Variants in SLC25A20 observed in about 807,000 individuals in gnomAD.
SLC25A20 encodes solute carrier family 25 member 20.
A neutral mutation model predicts 39.7 loss-of-function variants in SLC25A20; 29 were observed. That is an observed-to-expected ratio of 0.73 (90% confidence interval 0.54 to 1.00). The LOEUF (loss-of-function observed/expected upper bound fraction) is 1.00. SLC25A20 is among the 50% of genes least tolerant of loss of function. The pLI is 0.00. For synonymous variants in SLC25A20, 103 were observed against 142.2 expected (o/e 0.72, Z 1.96); for missense variants, 333 against 379.9 (o/e 0.88, Z 1.03).
chr3:48,898,273 C>T (rs1309399233), intron 1 of SLC25A20, among the ~76,000 whole-genome samples: 1 of 152,204 alleles, frequency 6.6e-6, no homozygotes, highest in African/African-American at 2.4e-5. Flanking sequence ...CAAAGGACAC[C>T]TCCAGAACAA....
chr3:48,857,800 A>C (rs1270351763), intron 8 of SLC25A20, 28 bp from the exon 9 acceptor site: 1 of 1,604,496 alleles, frequency 6.2e-7, no homozygotes. Flanking sequence ...GGAAGAAAAA[A>C]GCCAGCAGGA....
At chr3:48,872,665 A>G (rs2106646427) in intron 4 of SLC25A20, among the ~76,000 whole-genome samples, 1 of 150,662 alleles carries the variant, frequency 6.6e-6, no homozygotes, top group East Asian at 2.0e-4. Flanking sequence ...AGCCTGAGCA[A>G]CATGGCAAGA....
At chr3:48,862,811 G>A (rs2083637418) in intron 4 of SLC25A20, 152 bp from the exon 5 acceptor site, 3 of 685,700 alleles carry the variant, frequency 4.4e-6, no homozygotes, top group Admixed American at 4.1e-5. Flanking sequence ...GTGTGATCTT[G>A]GGGCAGGTAC....
At chr3:48,859,039 G>C in intron 7 of SLC25A20, 53 bp downstream of exon 7, 1 of 1,432,644 alleles carries the variant, frequency 7.0e-7, no homozygotes, top group Non-Finnish European at 9.8e-7. Flanking sequence ...CCCAGGATTA[G>C]CCAGTGCTGG....
chr3:48,883,004 G>A lies in SLC25A20; in HGVS notation c.326+993C>T, dbSNP rs532448721. On this transcript the variant is annotated intron_variant, in intron 3 of 8. Transcript: ENST00000319017. ...AGATCGAGACCATCCTGGCTAACAC[G>A]GCGAAACCCCGTCTCTACTAAAAAT... Among the ~76,000 whole-genome samples the A allele has an allele frequency of 5.7e-4, 83 of 145,762 alleles. 1 individual carries two copies. Among genetic ancestry groups the A allele is most frequent in the African/African-American group, 2.0e-3 (79 of 39,066 alleles).
chr3:48,860,513 G>A lies in SLC25A20; in HGVS notation c.536-886C>T, dbSNP rs568658413. Among the ~76,000 whole-genome samples the A allele has an allele frequency of 4.8e-3, 733 of 151,760 alleles. 6 individuals are homozygous for A. Among genetic ancestry groups the A allele is most frequent in the African/African-American group, 0.017 (700 of 41,352 alleles). ...CCAGCTACTCAGGAGACTGAGGCAG[G>A]AGAATCGCTTGAATCCAGGAGGTGG... On this transcript the variant is annotated intron_variant, in intron 5 of 8. Transcript: ENST00000319017.
At chr3:48,875,476 C>T (rs984974327) in intron 4 of SLC25A20, among the ~76,000 whole-genome samples, 2 of 152,168 alleles carry the variant, frequency 1.3e-5, no homozygotes, top group African/African-American at 4.8e-5. Context: ...GTGGCACGAT[C>T]TTGGCTCACT....
intron 4 of SLC25A20, among the ~76,000 whole-genome samples, chr3:48,869,563 G>A (rs1369741202): frequency 6.6e-6 from 1 of 152,102 alleles, no homozygotes; most frequent in Non-Finnish European, 1.5e-5. Context: ...AGTGGCTCAT[G>A]GCTATAATCC....
intron 4 of SLC25A20, among the ~76,000 whole-genome samples, chr3:48,872,056 T>C (rs1004913700): frequency 7.1e-6 from 1 of 140,200 alleles, no homozygotes; most frequent in Non-Finnish European, 1.5e-5. Flanking sequence ...CTCAGCCTCA[T>C]GGGCTCAAGC....
chr3:48,896,536 A>C lies in SLC25A20; in HGVS notation c.105+2154T>G, dbSNP rs1353923414. 3.3e-5 allele frequency among the ~76,000 whole-genome samples: 5 copies of C among 151,336 alleles called. No homozygotes were observed. The East Asian group carries it at 9.7e-4, about 29-fold the overall frequency. On this transcript the variant is annotated intron_variant, in intron 1 of 8. Coordinates refer to ENST00000319017, the MANE Select transcript of SLC25A20 (RefSeq NM_000387.6). ...TTGTTTTGTTTTGTTTTTGGGAAGG[A>C]GTCTCACTCTGTCACCCAGGCTGGA...
intron 4 of SLC25A20, among the ~76,000 whole-genome samples, chr3:48,865,060 C>T (rs1245681634): frequency 6.6e-6 from 1 of 152,044 alleles, no homozygotes; most frequent in Admixed American, 6.6e-5. Context: ...GACTTTGAGG[C>T]ACCTATTAGC....
At chr3:48,898,216 G>A (rs1178854964) in intron 1 of SLC25A20, among the ~76,000 whole-genome samples, 1 of 152,188 alleles carries the variant, frequency 6.6e-6, no homozygotes, top group Non-Finnish European at 1.5e-5. Context: ...TCCCCGGGCC[G>A]GGAAAGGTGC....
intron 6 of SLC25A20, 37 bp downstream of exon 6, chr3:48,859,518 A>T: frequency 6.4e-7 from 1 of 1,555,772 alleles, no homozygotes; most frequent in South Asian, 1.1e-5. Flanking sequence ...CGCACCCATG[A>T]CTGGGGAAAG....
chr3:48,871,582 A>C (rs764658125), intron 4 of SLC25A20, among the ~76,000 whole-genome samples: 8 of 151,948 alleles, frequency 5.3e-5, no homozygotes, highest in Admixed American at 4.6e-4. Context: ...AGCCTGACCA[A>C]TGTGGAGAAA....
chr3:48,892,704 A>C (rs1355169572), intron 1 of SLC25A20, among the ~76,000 whole-genome samples: 2 of 152,130 alleles, frequency 1.3e-5, no homozygotes, highest in Admixed American at 6.6e-5. Flanking sequence ...GATGAGGTCC[A>C]CTCACATTAG....
chr3:48,882,905 G>T (rs2083804371), intron 3 of SLC25A20, among the ~76,000 whole-genome samples: 1 of 151,010 alleles, frequency 6.6e-6, no homozygotes, highest in Non-Finnish European at 1.5e-5. Context: ...TCAAGTACTT[G>T]GGCTGGGCAC....
intron 2 of SLC25A20, 139 bp downstream of exon 2, chr3:48,891,841 G>C: frequency 2.6e-6 from 2 of 768,538 alleles, no homozygotes; most frequent in Admixed American, 3.5e-5. Context: ...GGGGGGCACA[G>C]GGTGGCGTGG....
intron 4 of SLC25A20, among the ~76,000 whole-genome samples, chr3:48,876,031 A>C (rs2083754105): frequency 6.6e-6 from 1 of 151,910 alleles, no homozygotes; most frequent in African/African-American, 2.4e-5. Flanking sequence ...AAATAAAGAA[A>C]TAAATAAAAA....
Position 48,898,866 on chromosome 3 carries a change from G to C in SLC25A20, c.-72C>G. On this transcript the variant is annotated 5_prime_UTR_variant, in exon 1 of 9. Transcript: ENST00000319017. ...GCTTCTCAGCCCCAGCTGCAGTGCC[G>C]GCGCCGCCGACCTTTCACCCACTTT... The C allele has an allele frequency of 6.9e-7, 1 of 1,450,350 alleles. No individual in the cohort carries two copies. The highest frequency in any genetic ancestry group is 9.5e-7 in the Non-Finnish European group (1 of 1,056,094). The allele number at this position is 1,450,350 out of a possible 1,614,324, so 89.8% of individuals were successfully genotyped here.
Sources: allele counts gnomAD v4.1 joint callset (sites outside exome capture counted in the v4.1 genomes callset), GRCh38; gene constraint gnomAD v4.1.1; transcripts MANE v1.5; gene names NCBI Gene and HGNC (gene_info 2026-07-23, HGNC 2026-07-21).